The following DDR1 variants were observed in gnomAD, a reference collection of about 807,000 sequenced individuals.
The protein encoded by DDR1 is epithelial discoidin domain-containing receptor 1.
Under a neutral mutation model 97.4 loss-of-function variants are expected in DDR1, and 64 were observed. The ratio of observed to expected loss-of-function variants is 0.66; its 90% confidence interval spans 0.54 to 0.81. The LOEUF is 0.81. Ranked by LOEUF, DDR1 falls within the 30% of genes least tolerant of loss-of-function variation. DDR1 has a pLI of 0.00. For synonymous variants in DDR1, 458 were observed against 503.7 expected (o/e 0.91, Z 1.21); for missense variants, 990 against 1,259.6 (o/e 0.79, Z 3.24).
At position 30,897,404 on chromosome 6, in the gene DDR1, A is replaced by G; in HGVS notation, c.2023A>G (p.Ile675Val). 1 of 1,614,106 alleles carries G rather than the reference A, an allele frequency of 6.2e-7. No individual in the cohort carries two copies. The highest frequency in any genetic ancestry group is 8.5e-7 in the Non-Finnish European group (1 of 1,180,020). Residue 675 changes from isoleucine to valine, a missense_variant, in exon 15 of 18, where the codon ATC becomes GTC. Physicochemically the swap from Ile to Val is conservative, Grantham distance 29. Transcript: ENST00000376568. The surrounding 1 kb of genome is among the most constrained non-coding windows in gnomAD (Gnocchi z 5.2). ...ARNDFLKEVKIMSRLKDPNII... is the reference protein window; with the variant it reads ...ARNDFLKEVKVMSRLKDPNII... The stretch of plus-strand genomic sequence containing the variant: ...GAATGATTTCCTGAAAGAGGTGAAG[A>G]TCATGTCGAGGCTCAAGGACCCAAA...
rs2150368742 is a variant in DDR1, at chr6:30,893,168, G to A, written c.1195+5G>A. The A allele has an allele frequency of 6.2e-7, 1 of 1,606,378 alleles. No homozygotes were observed. Among genetic ancestry groups the A allele is most frequent in the South Asian group, 1.1e-5 (1 of 90,732 alleles). ...CCACCAACTTCAGCAGCTTGGGTGAGCAATCTTGGGTGGGCGTGTGGACCC... is the reference window on the plus strand; with the variant it reads ...CCACCAACTTCAGCAGCTTGGGTGAACAATCTTGGGTGGGCGTGTGGACCC... On this transcript the variant is annotated splice_donor_5th_base_variant and intron_variant, in intron 9 of 17. Transcript: ENST00000376568.
At position 30,891,808 on chromosome 6, in the gene DDR1, T is replaced by C. The variant is rs528612887; in HGVS notation, c.666-194T>C. Reference sequence around the variant, plus strand: ...TTTGTGCTGGATGTGACCTGCAAGGTACCTGTAGTGCTGGGGTGGGGTGGA... The same window carrying C: ...TTTGTGCTGGATGTGACCTGCAAGGCACCTGTAGTGCTGGGGTGGGGTGGA... On this transcript the variant is annotated intron_variant, in intron 6 of 17. Transcript: ENST00000376568. This position sits in a 1 kb window ranked among gnomAD's most constrained non-coding sequence, Gnocchi z 5.3. Among the ~76,000 whole-genome samples the C allele has an allele frequency of 6.6e-6, 1 of 152,184 alleles. No homozygotes were observed. Among genetic ancestry groups the C allele is most frequent in the African/African-American group, 2.4e-5 (1 of 41,496 alleles).
rs747763259 is a variant in DDR1, at chr6:30,891,547, G to GTGTGTGTGTGTGTGTGTT, written c.665+78_665+79insTGTGTGTTTGTGTGTGTG. ...GAGGACTGTGTGTGTGTGTGTGTGT[G>GTGTGTGTGTGTGTGTGTT]TGTGTGTGTGAGAGTGTGTGTGTGT... On this transcript the variant is annotated intron_variant, in intron 6 of 17. Coordinates refer to ENST00000376568, the MANE Select transcript of DDR1 (RefSeq NM_001297654.2). This position sits in a 1 kb window ranked among gnomAD's most constrained non-coding sequence, Gnocchi z 5.3. 6.2e-4 allele frequency: 593 copies of GTGTGTGTGTGTGTGTGTT among 960,894 alleles called. 8 individuals are homozygous for GTGTGTGTGTGTGTGTGTT. Among genetic ancestry groups the GTGTGTGTGTGTGTGTGTT allele is most frequent in the South Asian group, 3.5e-3 (235 of 66,232 alleles). The allele number at this position is 960,894 out of a possible 1,614,324, so 59.5% of individuals were successfully genotyped here.
At chr6:30,885,737 T>G in intron 1 of DDR1, 1 of 1,295,446 alleles carries the variant, frequency 7.7e-7, no homozygotes, top group Non-Finnish European at 1.0e-6. Flanking sequence ...TCAGAAACTC[T>G]GTGAGGGTTG....
At chr6:30,885,103 G>A (rs1302128627) in intron 1 of DDR1, 13 of 1,231,572 alleles carry the variant, frequency 1.1e-5, no homozygotes, top group Non-Finnish European at 1.5e-5. Context: ...CCTCCGCTCA[G>A]CCAACACCCA....
Position 30,893,263 on chromosome 6 carries a change from C to T in DDR1, c.1196-9C>T, listed in dbSNP as rs1407681156. 6.2e-7 allele frequency: 1 copy of T among 1,603,362 alleles called. No individual in the cohort carries two copies. Among genetic ancestry groups the T allele is most frequent in the Admixed American group, 1.7e-5 (1 of 59,938 alleles). On this transcript the variant is annotated splice_polypyrimidine_tract_variant and intron_variant, in intron 9 of 17. Transcript: ENST00000376568. The stretch of plus-strand genomic sequence containing the variant: ...CCTCCTGTGGTGCTGACCCTGCTGC[C>T]TCCACCAGAGCTGGAGCCCAGAGGC...
Position 30,888,932 on chromosome 6 carries a change from T to G in DDR1, c.110T>G (p.Met37Arg). ...GCCAAGTGCCGCTATGCCCTGGGCATGCAGGACCGGACCATCCCAGACAGT... is the reference window on the plus strand; with the variant it reads ...GCCAAGTGCCGCTATGCCCTGGGCAGGCAGGACCGGACCATCCCAGACAGT... ...DPAKCRYALG[M>R]QDRTIPDSDI... The change falls in exon 3 of 18, where the codon ATG (methionine) becomes AGG (arginine). Residue 37 changes from methionine (M) to arginine (R), a missense_variant. By Grantham distance (91) the Met-to-Arg change is moderately conservative. Transcript: ENST00000376568. The surrounding 1 kb of genome is among the most constrained non-coding windows in gnomAD (Gnocchi z 4.2). 1 of 1,613,046 alleles carries G rather than the reference T, an allele frequency of 6.2e-7. No homozygotes were observed. Among genetic ancestry groups the G allele is most frequent in the Non-Finnish European group, 8.5e-7 (1 of 1,180,014 alleles).
At chr6:30,885,680 G>T in intron 1 of DDR1, 1 of 1,321,420 alleles carries the variant, frequency 7.6e-7, no homozygotes. Flanking sequence ...GGAATGCCAA[G>T]GTGTGGACGG....
At position 30,898,959 on chromosome 6, in the gene DDR1, G is replaced by A; in HGVS notation, c.2523G>A (p.Arg841=). Residue 841 remains arginine (R), a synonymous_variant, in exon 17 of 18, where the codon AGG becomes AGA. Coordinates refer to ENST00000376568, the MANE Select transcript of DDR1 (RefSeq NM_001297654.2). The part of the protein sequence containing the change: ...VTLWEVLMLC[R]AQPFGQLTDE... ...TGTGGGAGGTGCTGATGCTCTGTAG[G>A]GCCCAGCCCTTTGGGCAGCTCACCG... 6.2e-7 allele frequency: 1 copy of A among 1,614,158 alleles called. No individual in the cohort carries two copies. Among genetic ancestry groups the A allele is most frequent in the Non-Finnish European group, 8.5e-7 (1 of 1,180,016 alleles).
rs1283082654 is a variant in DDR1 at position 30,899,208 on chromosome 6, T to G, written c.2654T>G (p.Leu885Arg). ...CCGCAGGGCCTATATGAGCTGATGC[T>G]TCGGTGCTGGAGCCGGGAGTCTGAG... ...ACPQGLYELM[L>R]RCWSRESEQR... Residue 885 changes from leucine to arginine, a missense_variant, in exon 18 of 18, where the codon CTT becomes CGT. By Grantham distance (102) the Leu-to-Arg change is moderately radical (BLOSUM62 -2). Coordinates refer to ENST00000376568, the MANE Select transcript of DDR1 (RefSeq NM_001297654.2). 1.9e-6 allele frequency: 3 copies of G among 1,614,200 alleles called. No individual in the cohort carries two copies. Among genetic ancestry groups the G allele is most frequent in the Non-Finnish European group, 2.5e-6 (3 of 1,180,024 alleles).
At position 30,888,518 on chromosome 6, in the gene DDR1, A is replaced by G; in HGVS notation, c.-42-170A>G. ...TGGATTCTGTTTAAGGGTTTAGGCC[A>G]GTGTCTGGCACAGGGGAAGCATTCT... is the stretch of plus-strand genomic sequence containing the variant. On this transcript the variant is annotated intron_variant, in intron 1 of 17. Transcript: ENST00000376568. This position sits in a 1 kb window ranked among gnomAD's most constrained non-coding sequence, Gnocchi z 4.2. 1.4e-6 allele frequency: 1 copy of G among 715,798 alleles called. No individual in the cohort carries two copies. The highest frequency in any genetic ancestry group is 1.9e-5 in the South Asian group (1 of 51,944). The allele number at this position is 715,798 out of a possible 1,614,324, so 44.3% of individuals were successfully genotyped here.
rs1270304436 is a variant in DDR1, at chr6:30,894,961, A to G, written c.1513+290A>G. Reference sequence around the variant, plus strand: ...TGTCTCCCTGGCCCCTTTGCTTTGTATTAGACTCACCATGTTTGTTCCTTC... The same window carrying G: ...TGTCTCCCTGGCCCCTTTGCTTTGTGTTAGACTCACCATGTTTGTTCCTTC... On this transcript the variant is annotated intron_variant, in intron 11 of 17. Coordinates refer to ENST00000376568, the MANE Select transcript of DDR1 (RefSeq NM_001297654.2). This position sits in a 1 kb window ranked among gnomAD's most constrained non-coding sequence, Gnocchi z 5.7. Among the ~76,000 whole-genome samples, 2 of 151,902 alleles carry G rather than the reference A, an allele frequency of 1.3e-5. No individual in the cohort carries two copies. The highest frequency in any genetic ancestry group is 2.9e-5 in the Non-Finnish European group (2 of 67,968).
At position 30,894,691 on chromosome 6, in the gene DDR1, A is replaced by G; in HGVS notation, c.1513+20A>G. The G allele has an allele frequency of 6.4e-7, 1 of 1,571,012 alleles. No individual in the cohort carries two copies. Among genetic ancestry groups the G allele is most frequent in the Non-Finnish European group, 8.6e-7 (1 of 1,156,360 alleles). Reference sequence around the variant, plus strand: ...GCTCTGGTAAGACCTGCCTTGTTCCAGTCGCACCTCTGTCCTCTCTGCTGT... The same window carrying G: ...GCTCTGGTAAGACCTGCCTTGTTCCGGTCGCACCTCTGTCCTCTCTGCTGT... On this transcript the variant is annotated intron_variant, in intron 11 of 17. Transcript: ENST00000376568. The surrounding 1 kb of genome is among the most constrained non-coding windows in gnomAD (Gnocchi z 5.7).
rs1219302418 is a variant in DDR1, at chr6:30,897,579, C to T, written c.2198C>T (p.Ala733Val). ...AEGAPGDGQAAQGPTISYPML... is the reference protein window; with the variant it reads ...AEGAPGDGQAVQGPTISYPML... ...GGGGCCCCTGGGGACGGGCAGGCTG[C>T]GCAGGGGCCCACCATCAGGTACCTG... The change falls in exon 15 of 18, where the codon GCG becomes GTG. Residue 733 changes from alanine to valine, a missense_variant. Physicochemically the swap from Ala to Val is moderately conservative, Grantham distance 64. Coordinates refer to ENST00000376568, the MANE Select transcript of DDR1 (RefSeq NM_001297654.2). The surrounding 1 kb of genome is among the most constrained non-coding windows in gnomAD (Gnocchi z 5.2). The T allele has an allele frequency of 2.5e-6, 4 of 1,611,582 alleles. No individual in the cohort carries two copies. In the African/African-American group the frequency reaches 4.0e-5, roughly 16 times the overall value.
chr6:30,892,925 C>T, intron 8 of DDR1, 143 bp from the exon 9 acceptor site: 1 of 735,878 alleles, frequency 1.4e-6, no homozygotes, highest in Non-Finnish European at 2.2e-6. Flanking sequence ...CAGGACCCTG[C>T]TCCCCCAGCC....
Position 30,899,289 on chromosome 6 carries a change from CG to C in DDR1, c.2737del (p.Val913CysfsTer76). ...TTCCTGGCAGAGGATGCACTCAACACGGTGTGAATCACACATCCAGCTGCCC... is the reference window on the plus strand; with the variant it reads ...TTCCTGGCAGAGGATGCACTCAACACGTGTGAATCACACATCCAGCTGCCC... ...HRFLAEDALNTV is the reference protein window; with the variant it reads ...HRFLAEDALNXV On this transcript the variant is annotated frameshift_variant, in exon 18 of 18. Coordinates refer to ENST00000376568, the MANE Select transcript of DDR1 (RefSeq NM_001297654.2). LOFTEE classifies it high-confidence loss of function. 6.2e-7 allele frequency: 1 copy of C among 1,607,180 alleles called. No homozygotes were observed. Among genetic ancestry groups the C allele is most frequent in the Non-Finnish European group, 8.5e-7 (1 of 1,174,934 alleles).
intron 1 of DDR1, among the ~76,000 whole-genome samples, chr6:30,887,893 C>T (rs926945676): frequency 6.6e-6 from 1 of 152,160 alleles, no homozygotes; most frequent in African/African-American, 2.4e-5. Context: ...AGCCACCAGA[C>T]CCAGACCTGC....
Position 30,888,527 on chromosome 6 carries a change from C to T in DDR1, c.-42-161C>T, listed in dbSNP as rs1004723215. 1.3e-6 allele frequency: 1 copy of T among 799,496 alleles called. No homozygotes were observed. Among genetic ancestry groups the T allele is most frequent in the Non-Finnish European group, 1.9e-6 (1 of 515,550 alleles). The allele number at this position is 799,496 out of a possible 1,614,324, so 49.5% of individuals were successfully genotyped here. ...TTTAAGGGTTTAGGCCAGTGTCTGGCACAGGGGAAGCATTCTAAAAATATA... is the reference window on the plus strand; with the variant it reads ...TTTAAGGGTTTAGGCCAGTGTCTGGTACAGGGGAAGCATTCTAAAAATATA... On this transcript the variant is annotated intron_variant, in intron 1 of 17. Transcript: ENST00000376568. This position sits in a 1 kb window ranked among gnomAD's most constrained non-coding sequence, Gnocchi z 4.2.
chr6:30,899,125 C>T, intron 17 of DDR1, 31 bp from the exon 18 acceptor site: 1 of 1,614,180 alleles, frequency 6.2e-7, no homozygotes, highest in South Asian at 1.1e-5. Flanking sequence ...ATATTTGTTC[C>T]CTGACTCTCA....
Sources: gnomAD v4.1 joint callset for allele counts (sites outside exome capture counted in the v4.1 genomes callset) on GRCh38, gnomAD v4.1.1 for gene constraint, Gnocchi (gnomAD v3.1) non-coding constraint, MANE v1.5 for transcripts, NCBI Gene and HGNC (gene_info 2026-07-23, HGNC 2026-07-21) for gene names.